Variants in BCO1 observed in about 807,000 individuals in gnomAD.
BCO1 encodes the protein beta,beta-carotene 15,15'-dioxygenase.
In BCO1, 54 loss-of-function variants were observed where a neutral mutation model predicts 56.3. The ratio of observed to expected loss-of-function variants is 0.96; its 90% CI spans 0.77 to 1.20. The LOEUF (loss-of-function observed/expected upper bound fraction) is 1.20, where lower values mean the gene tolerates loss of function less well. Among genes scored for constraint, BCO1 ranks in the 50% most tolerant of loss-of-function variants. The pLI, the probability that BCO1 is intolerant of heterozygous loss-of-function variation, is 0.00. For missense variants in BCO1, 801 were observed against 690.9 expected (o/e 1.16, Z -1.79); for synonymous variants, 318 against 266.1 (o/e 1.20, Z -1.90).
In BCO1 at chr16:81,262,193, C is replaced by T. The variant is rs931079058; in HGVS notation, c.381C>T (p.Asn127=). 8 of 1,613,910 alleles carry T rather than the reference C, an allele frequency of 5.0e-6. No individual in the cohort carries two copies. Among genetic ancestry groups the T allele is most frequent in the Admixed American group, 1.7e-5 (1 of 60,014 alleles). The part of the protein sequence containing the change: ...IPDFTDNCLI[N]IMKCGEDFYA... ...ATTTCACCGACAACTGCCTGATCAA[C>T]ATCATGAAGTGCGGAGAAGACTTCT... The change falls in exon 4 of 11, where the codon AAC becomes AAT. Residue 127 remains asparagine, a synonymous_variant. Coordinates refer to ENST00000258168, the MANE Select transcript of BCO1 (RefSeq NM_017429.3).
chr16:81,252,763 C>T (rs960878781), intron 2 of BCO1, among the ~76,000 whole-genome samples: 9 of 152,182 alleles, frequency 5.9e-5, no homozygotes, highest in South Asian at 2.1e-4. Context: ...CAGATGAGTC[C>T]GCCTGCCACC....
chr16:81,274,180 C>T (rs570425774), intron 7 of BCO1, among the ~76,000 whole-genome samples: 2 of 151,020 alleles, frequency 1.3e-5, no homozygotes, highest in East Asian at 2.0e-4. Context: ...CCACACCTTA[C>T]AAGATTTTAT....
At chr16:81,262,465 T>C in intron 4 of BCO1, 182 bp downstream of exon 4, 1 of 671,056 alleles carries the variant, frequency 1.5e-6, no homozygotes, top group Non-Finnish European at 2.7e-6. Context: ...CTGTGTTGTT[T>C]TTATCTTCGT....
intron 1 of BCO1, among the ~76,000 whole-genome samples, chr16:81,239,791 A>C (rs1169467817): frequency 6.6e-6 from 1 of 152,018 alleles, no homozygotes; most frequent in Admixed American, 6.6e-5. Context: ...TGTTTCGCTT[A>C]ATCTTTTATA....
intron 6 of BCO1, among the ~76,000 whole-genome samples, chr16:81,269,700 C>T (rs1907065693): frequency 6.6e-6 from 1 of 152,152 alleles, no homozygotes; most frequent in Non-Finnish European, 1.5e-5. Flanking sequence ...AACTCCTGAC[C>T]TCAAGTGATC....
rs532321252 is a variant in BCO1 at position 81,259,231 on chromosome 16, C to T, written c.194-445C>T. ...ATTCCAGGCCGGGCATGGTGGCTCA[C>T]GCTTGTAATTTCAGCACTTTGGGAG... On this transcript the variant is annotated intron_variant, in intron 2 of 10. Coordinates refer to ENST00000258168, the MANE Select transcript of BCO1 (RefSeq NM_017429.3). 1.2e-3 allele frequency among the ~76,000 whole-genome samples: 180 copies of T among 152,232 alleles called. 2 individuals carry two copies. The highest frequency in any genetic ancestry group is 4.1e-3 in the African/African-American group (172 of 41,532).
At chr16:81,279,389 G>A (rs1907736290) in intron 7 of BCO1, among the ~76,000 whole-genome samples, 1 of 152,272 alleles carries the variant, frequency 6.6e-6, no homozygotes, top group Admixed American at 6.5e-5. Context: ...ATCTTCCAGA[G>A]CCTAACCCGT....
chr16:81,255,095 T>A (rs1044671664), intron 2 of BCO1, among the ~76,000 whole-genome samples: 6 of 152,232 alleles, frequency 3.9e-5, no homozygotes, highest in African/African-American at 1.4e-4. Context: ...AGGTCCTGTT[T>A]CTTGATCAGG....
intron 1 of BCO1, among the ~76,000 whole-genome samples, chr16:81,243,950 G>A (rs1355062212): frequency 3.3e-5 from 5 of 152,234 alleles, no homozygotes; most frequent in African/African-American, 1.2e-4. Flanking sequence ...AATCCTCTGG[G>A]TATGACGTAA....
rs1462779144 is a variant in BCO1 at position 81,280,849 on chromosome 16, T to A, written c.1102-8T>A. 1.2e-6 allele frequency: 2 copies of A among 1,606,574 alleles called. No homozygotes were observed. Among genetic ancestry groups the A allele is most frequent in the African/African-American group, 2.7e-5 (2 of 74,854 alleles). The stretch of plus-strand genomic sequence containing the variant: ...TTATTTTACTTTTTGAAAACTGAAT[T>A]TTTTCAGAATGCAGAAGTGGGCACA... On this transcript the variant is annotated splice_region_variant and splice_polypyrimidine_tract_variant and intron_variant, in intron 7 of 10. Transcript: ENST00000258168.
chr16:81,285,820 C>T (rs1229901057), intron 9 of BCO1, among the ~76,000 whole-genome samples, 186 bp downstream of exon 9: 1 of 151,984 alleles, frequency 6.6e-6, no homozygotes, highest in Admixed American at 6.6e-5. Context: ...GGCTAAGGTT[C>T]AGGTAAGAGG....
chr16:81,259,675 G>A lies in BCO1; in HGVS notation c.194-1G>A, dbSNP rs756372468. 5.6e-6 allele frequency: 9 copies of A among 1,614,168 alleles called. No homozygotes were observed. Among genetic ancestry groups the A allele is most frequent in the South Asian group, 2.2e-5 (2 of 91,084 alleles). ...AGATTATGCTGGTTCTTCTCTTGCAGGTGAAGTCTATTACAGGAGCAAATA... is the reference window on the plus strand; with the variant it reads ...AGATTATGCTGGTTCTTCTCTTGCAAGTGAAGTCTATTACAGGAGCAAATA... On this transcript the variant is annotated splice_acceptor_variant, in intron 2 of 10. Transcript: ENST00000258168. LOFTEE classifies it high-confidence loss of function.
At chr16:81,272,906 G>T (rs1330886118) in intron 7 of BCO1, among the ~76,000 whole-genome samples, 1 of 152,154 alleles carries the variant, frequency 6.6e-6, no homozygotes, top group South Asian at 2.1e-4. Context: ...TGTGGGCAAG[G>T]TCACAGCCCA....
chr16:81,249,641 T>A (rs771769813), intron 2 of BCO1, among the ~76,000 whole-genome samples: 3 of 152,154 alleles, frequency 2.0e-5, no homozygotes, highest in Non-Finnish European at 4.4e-5. Flanking sequence ...CCTCAGGTGA[T>A]TCACCAGCAT....
At chr16:81,268,232 G>C in intron 6 of BCO1, 101 bp downstream of exon 6, 1 of 993,208 alleles carries the variant, frequency 1.0e-6, no homozygotes, top group Non-Finnish European at 1.4e-6. Flanking sequence ...TGGCATGGAA[G>C]AGGGAGGAGG....
intron 10 of BCO1, among the ~76,000 whole-genome samples, chr16:81,289,824 A>G (rs1304245829): frequency 1.3e-5 from 2 of 152,206 alleles, no homozygotes; most frequent in African/African-American, 4.8e-5. Flanking sequence ...GGACTGGCCC[A>G]GCCAAGGGTA....
In BCO1 at chr16:81,265,046, C is replaced by T. The variant is rs570474829; in HGVS notation, c.619+259C>T. Among the ~76,000 whole-genome samples the T allele has an allele frequency of 1.1e-3, 162 of 152,202 alleles. 2 individuals carry two copies. Among genetic ancestry groups the T allele is most frequent in the African/African-American group, 3.7e-3 (153 of 41,524 alleles). ...TTATTATTTTATTAATTTATCTACC[C>T]ATCTACCATCCATCCATCCATCATC... On this transcript the variant is annotated intron_variant, in intron 5 of 10. Coordinates refer to ENST00000258168, the MANE Select transcript of BCO1 (RefSeq NM_017429.3).
rs142526945 is a variant in BCO1, at chr16:81,242,461, C to A, written c.65-3014C>A. Among the ~76,000 whole-genome samples, 4 of 152,138 alleles carry A rather than the reference C, an allele frequency of 2.6e-5. No individual in the cohort carries two copies. In the East Asian group the frequency reaches 7.8e-4, roughly 30 times the overall value. On this transcript the variant is annotated intron_variant, in intron 1 of 10. Transcript: ENST00000258168. ...AGTGATCCATCCGCCTTGGCCTCCC[C>A]TAGTGCTAGGATAACAGGCCTGAGC...
At position 81,268,033 on chromosome 16, in the gene BCO1, C is replaced by T. The variant is rs1321416885; in HGVS notation, c.745C>T (p.Leu249Phe). The change falls in exon 6 of 11, where the codon CTT (leucine) becomes TTT (phenylalanine). Residue 249 changes from leucine (L) to phenylalanine (F), a missense_variant. Coordinates refer to ENST00000258168, the MANE Select transcript of BCO1 (RefSeq NM_017429.3). ...AGTCACCGAGAACTATGTCATCTTC[C>T]TTGAGCAGCCTTTCAGGTTGGATAT... ...FGVTENYVIF[L>F]EQPFRLDILK... 6.2e-7 allele frequency: 1 copy of T among 1,613,746 alleles called. No individual in the cohort carries two copies. The highest frequency in any genetic ancestry group is 8.5e-7 in the Non-Finnish European group (1 of 1,180,014).
Sources: allele counts gnomAD v4.1 joint callset (sites outside exome capture counted in the v4.1 genomes callset), GRCh38; gene constraint gnomAD v4.1.1; transcripts MANE v1.5; gene names NCBI Gene and HGNC (gene_info 2026-07-23, HGNC 2026-07-21).